The following VCAM1 variants were observed in gnomAD, a reference collection of about 807,000 sequenced individuals.
The protein encoded by VCAM1 is vascular cell adhesion protein 1.
VCAM1 carries 41 observed loss-of-function variants against 63.8 expected under a neutral mutation model. That is an observed-to-expected ratio of 0.64 (90% CI 0.50 to 0.83). The LOEUF (loss-of-function observed/expected upper bound fraction) is 0.83, where lower values mean the gene tolerates loss of function less well. Among genes scored for constraint, VCAM1 ranks in the 40% least tolerant of loss-of-function variants. VCAM1 has a pLI of 0.00. For synonymous variants in VCAM1, 338 were observed against 320.7 expected (o/e 1.05, Z -0.58); for missense variants, 798 against 875.5 (o/e 0.91, Z 1.12).
chr1:100,723,046 T>C lies in VCAM1; in HGVS notation c.367T>C (p.Leu123=). 1 of 1,611,710 alleles carries C rather than the reference T, an allele frequency of 6.2e-7. No individual in the cohort carries two copies. Among genetic ancestry groups the C allele is most frequent in the Admixed American group, 1.7e-5 (1 of 59,798 alleles). The change falls in exon 3 of 9, where the codon TTG becomes CTG. Residue 123 remains leucine, a synonymous_variant. Transcript: ENST00000294728. Reference sequence around the variant, plus strand: ...TTTTCCTAAGGATCCAGAGATTCATTTGAGTGGCCCTCTGGAGGCTGGGAA... The same window carrying C: ...TTTTCCTAAGGATCCAGAGATTCATCTGAGTGGCCCTCTGGAGGCTGGGAA... ...YSFPKDPEIH[L]SGPLEAGKPI...
chr1:100,719,806 G>A lies in VCAM1; in HGVS notation c.-55G>A. 1 of 1,585,236 alleles carries A rather than the reference G, an allele frequency of 6.3e-7. No homozygotes were observed. The highest frequency in any genetic ancestry group is 2.3e-5 in the East Asian group (1 of 44,318). ...ATACCCTCCCAGGCACACACAGGTG[G>A]GACACAAATAAGGGTTTTGGAACCA... is the stretch of plus-strand genomic sequence containing the variant. On this transcript the variant is annotated 5_prime_UTR_variant, in exon 1 of 9. Transcript: ENST00000294728.
intron 8 of VCAM1, chr1:100,736,810 C>T (rs1660668979): frequency 6.6e-6 from 1 of 152,132 alleles, no homozygotes; most frequent in Non-Finnish European, 1.5e-5. Flanking sequence ...AGTGACTTCA[C>T]ATTATCTGAT....
chr1:100,730,284 A>T (rs185688224), intron 5 of VCAM1, among the ~76,000 whole-genome samples: 1 of 152,190 alleles, frequency 6.6e-6, no homozygotes, highest in East Asian at 1.9e-4. Context: ...TTATCATATT[A>T]CCCAGAGTCC....
chr1:100,738,323 G>T lies in VCAM1; in HGVS notation c.*40G>T. ...GTTCAACTGGAGACACTATTTATCT[G>T]TGCAAATCCTTGATACTGCTCATCA... On this transcript the variant is annotated 3_prime_UTR_variant, in exon 9 of 9. Coordinates refer to ENST00000294728, the MANE Select transcript of VCAM1 (RefSeq NM_001078.4). 1 of 1,588,114 alleles carries T rather than the reference G, an allele frequency of 6.3e-7. No individual in the cohort carries two copies.
chr1:100,724,241 T>C (rs1177477296), intron 3 of VCAM1, among the ~76,000 whole-genome samples: 1 of 152,048 alleles, frequency 6.6e-6, no homozygotes, highest in African/African-American at 2.4e-5. Context: ...TGCTAATATG[T>C]AGAGCTGTCC....
At chr1:100,720,429 A>G in intron 1 of VCAM1, 47 bp from the exon 2 acceptor site, 1 of 1,581,032 alleles carries the variant, frequency 6.3e-7, no homozygotes, top group Admixed American at 1.7e-5. Flanking sequence ...GGAGAATACT[A>G]GACAAACTAG....
intron 4 of VCAM1, among the ~76,000 whole-genome samples, chr1:100,728,208 A>G (rs374452034): frequency 1.3e-5 from 2 of 152,110 alleles, no homozygotes; most frequent in African/African-American, 4.8e-5. Context: ...GTTTGCCCTC[A>G]CATCTCGGCT....
chr1:100,733,271 G>A (rs1660529162), intron 7 of VCAM1, among the ~76,000 whole-genome samples: 1 of 152,142 alleles, frequency 6.6e-6, no homozygotes, highest in Non-Finnish European at 1.5e-5. Context: ...TTATTAGTTC[G>A]CAGGTTGAAG....
At chr1:100,720,285 C>T (rs1401922435) in intron 1 of VCAM1, among the ~76,000 whole-genome samples, 191 bp from the exon 2 acceptor site, 1 of 152,098 alleles carries the variant, frequency 6.6e-6, no homozygotes, top group African/African-American at 2.4e-5. Flanking sequence ...TGAGAATTCT[C>T]TCTACTGAAG....
At chr1:100,726,958 A>G (rs1157213862) in intron 4 of VCAM1, among the ~76,000 whole-genome samples, 2 of 152,072 alleles carry the variant, frequency 1.3e-5, no homozygotes, top group East Asian at 3.9e-4. Context: ...GGCCAGGAGT[A>G]CAAGACCAGC....
intron 3 of VCAM1, among the ~76,000 whole-genome samples, 157 bp from the exon 4 acceptor site, chr1:100,724,467 A>T (rs991047466): frequency 1.3e-5 from 2 of 152,056 alleles, no homozygotes; most frequent in African/African-American, 4.8e-5. Context: ...CAGAAACTGG[A>T]TAGACTATTT....
At chr1:100,732,213 G>A (rs760371050) in intron 6 of VCAM1, among the ~76,000 whole-genome samples, 2 of 152,126 alleles carry the variant, frequency 1.3e-5, no homozygotes, top group Non-Finnish European at 2.9e-5. Context: ...ACTTCCATTA[G>A]AAAACACCAT....
intron 4 of VCAM1, among the ~76,000 whole-genome samples, chr1:100,726,516 C>T (rs977930655): frequency 5.3e-5 from 8 of 152,064 alleles, no homozygotes; most frequent in African/African-American, 7.2e-5. Flanking sequence ...AATGGCCTTT[C>T]TCCTTCCTTC....
chr1:100,736,814 A>T (rs551324303), intron 8 of VCAM1: 1 of 152,308 alleles, frequency 6.6e-6, no homozygotes, highest in East Asian at 1.9e-4. Context: ...ACTTCACATT[A>T]TCTGATGCTC....
chr1:100,734,460 T>C (rs1359610522), intron 7 of VCAM1, 42 bp from the exon 8 acceptor site: 1 of 1,580,366 alleles, frequency 6.3e-7, no homozygotes, highest in Non-Finnish European at 8.6e-7. Context: ...AGTTGGTTTA[T>C]ATTTCACTCA....
At chr1:100,724,523 A>T in intron 3 of VCAM1, 101 bp from the exon 4 acceptor site, 1 of 1,384,366 alleles carries the variant, frequency 7.2e-7, no homozygotes, top group Non-Finnish European at 9.8e-7. Context: ...GAGTAATTTC[A>T]TCAAATTGGT....
At chr1:100,732,140 G>A (rs1660484320) in intron 6 of VCAM1, among the ~76,000 whole-genome samples, 1 of 152,126 alleles carries the variant, frequency 6.6e-6, no homozygotes, top group Non-Finnish European at 1.5e-5. Flanking sequence ...TACCATAAAT[G>A]GCAGTACACA....
chr1:100,725,216 A>G (rs3917036), intron 4 of VCAM1, among the ~76,000 whole-genome samples: 4,717 of 151,650 alleles, frequency 0.031, 242 homozygotes, highest in African/African-American at 0.11. Context: ...CTGTTCTCAC[A>G]CTAGATTCCC....
chr1:100,727,885 C>G (rs775830862), intron 4 of VCAM1, among the ~76,000 whole-genome samples: 1 of 151,930 alleles, frequency 6.6e-6, no homozygotes, highest in East Asian at 1.9e-4. Context: ...TTAGACAAAC[C>G]TATTGAGAAA....
Sources: allele counts gnomAD v4.1 joint callset (sites outside exome capture counted in the v4.1 genomes callset), GRCh38; gene constraint gnomAD v4.1.1; transcripts MANE v1.5; gene names NCBI Gene and HGNC (gene_info 2026-07-23, HGNC 2026-07-21).